ABCA13: variants seen among roughly 807,000 people sequenced by gnomAD.
The protein encoded by ABCA13 is ATP binding cassette subfamily A member 13.
ABCA13 carries 476 observed loss-of-function variants against 478.7 expected under a neutral mutation model. The observed-to-expected ratio is 0.99, with a 90% CI of 0.92 to 1.07. ABCA13 has a LOEUF of 1.07. Ranked by LOEUF, ABCA13 falls within the 50% of genes least tolerant of loss-of-function variation. The pLI is 0.00. For missense variants in ABCA13, 6,060 were observed against 5,910.6 expected, an observed-to-expected ratio of 1.03 and a Z score of -0.83; for synonymous variants, 2,252 against 2,158.9, an observed-to-expected ratio of 1.04 and a Z score of -1.20.
intron 19 of ABCA13, among the ~76,000 whole-genome samples, chr7:48,281,815 T>C (rs995257682): frequency 3.3e-5 from 5 of 152,210 alleles, no homozygotes; most frequent in African/African-American, 1.2e-4. Flanking sequence ...GCAAAGACCT[T>C]GAGGAGACTT....
rs534088103 is a variant in ABCA13 at position 48,516,622 on chromosome 7, A to AT, written c.13641-99dup. The AT allele has an allele frequency of 2.3e-3, 2,682 of 1,162,404 alleles. 6 individuals are homozygous for AT. The highest frequency in any genetic ancestry group is 3.0e-3 in the Non-Finnish European group (2,434 of 803,556). 72.0% of individuals were successfully genotyped at this position (1,162,404 alleles called of 1,614,324 possible). A position where few individuals can be genotyped will look rare whatever the true frequency, so the allele number is the denominator to read the frequency against. On this transcript the variant is annotated intron_variant, in intron 51 of 61. Transcript: ENST00000435803. Reference sequence around the variant, plus strand: ...ATATGTAGGATTCAGTAATATCTGCATTTTCAGGGATTCACCCCAAGGTCT... The same window carrying AT: ...ATATGTAGGATTCAGTAATATCTGCATTTTTCAGGGATTCACCCCAAGGTCT...
intron 15 of ABCA13, among the ~76,000 whole-genome samples, chr7:48,255,778 C>T (rs1793293803): frequency 6.6e-6 from 1 of 152,092 alleles, no homozygotes; most frequent in Non-Finnish European, 1.5e-5. Context: ...CATATGTGTG[C>T]ATGTGTCTTT....
intron 57 of ABCA13, among the ~76,000 whole-genome samples, chr7:48,592,336 C>T (rs1447883209): frequency 6.6e-6 from 1 of 151,614 alleles, no homozygotes; most frequent in Non-Finnish European, 1.5e-5. Flanking sequence ...ATTTTTGACC[C>T]ATTGGTTGTT....
intron 58 of ABCA13, among the ~76,000 whole-genome samples, chr7:48,602,020 T>C (rs1312671315): frequency 6.6e-6 from 1 of 152,274 alleles, no homozygotes; most frequent in East Asian, 1.9e-4. Flanking sequence ...ATAAATGTTT[T>C]CTTTTGAGAA....
chr7:48,563,304 T>C (rs1786661217), intron 55 of ABCA13, among the ~76,000 whole-genome samples: 1 of 152,146 alleles, frequency 6.6e-6, no homozygotes, highest in Non-Finnish European at 1.5e-5. Context: ...AATTGGTCAT[T>C]GTTTGCTCAT....
chr7:48,337,602 A>G (rs117374552), intron 28 of ABCA13, among the ~76,000 whole-genome samples: 5,742 of 152,310 alleles, frequency 0.038, 128 homozygotes, highest in South Asian at 0.058. Context: ...TAGTGTACAA[A>G]TATTCTCCAA....
chr7:48,254,197 T>A (rs976924707), intron 15 of ABCA13, among the ~76,000 whole-genome samples: 4 of 152,152 alleles, frequency 2.6e-5, no homozygotes, highest in Non-Finnish European at 4.4e-5. Context: ...TAATTTTATT[T>A]TCTGGGTGTC....
chr7:48,469,489 T>C (rs889604033), intron 44 of ABCA13, among the ~76,000 whole-genome samples: 1 of 152,202 alleles, frequency 6.6e-6, no homozygotes, highest in Non-Finnish European at 1.5e-5. Flanking sequence ...CTCTCTCTGC[T>C]TTTCTTCATT....
At chr7:48,238,787 A>G (rs955628797) in intron 8 of ABCA13, among the ~76,000 whole-genome samples, 8 of 152,250 alleles carry the variant, frequency 5.3e-5, no homozygotes, top group Non-Finnish European at 1.2e-4. Flanking sequence ...AAGTTCATGT[A>G]TAAAATAAAG....
chr7:48,417,520 AT>A (rs146905650), intron 41 of ABCA13, among the ~76,000 whole-genome samples: 8 of 152,090 alleles, frequency 5.3e-5, no homozygotes, highest in East Asian at 1.9e-4. Context: ...ATTTATTTTA[AT>A]TTTAAAAACC....
intron 59 of ABCA13, among the ~76,000 whole-genome samples, chr7:48,617,810 A>G (rs934513762): frequency 1.7e-4 from 26 of 152,204 alleles, no homozygotes; most frequent in African/African-American, 6.3e-4. Context: ...ACGTCAGTTC[A>G]CTCGGACAAA....
At chr7:48,535,303 G>GCT (rs1370292749) in intron 55 of ABCA13, among the ~76,000 whole-genome samples, 2 of 152,170 alleles carry the variant, frequency 1.3e-5, no homozygotes, top group Non-Finnish European at 1.5e-5. Context: ...ACCCAGCAGA[G>GCT]CTACCAGGCT....
intron 38 of ABCA13, among the ~76,000 whole-genome samples, chr7:48,400,034 G>A (rs1312320024): frequency 6.9e-6 from 1 of 144,952 alleles, no homozygotes; most frequent in African/African-American, 2.6e-5. Flanking sequence ...GTCCTGGCAA[G>A]TGCTTTCCTC....
intron 3 of ABCA13, among the ~76,000 whole-genome samples, chr7:48,208,475 A>C (rs982513997): frequency 2.0e-5 from 3 of 151,872 alleles, no homozygotes; most frequent in Admixed American, 6.6e-5. Context: ...GTCCTCTTCA[A>C]TTTCTTTCAT....
intron 40 of ABCA13, among the ~76,000 whole-genome samples, chr7:48,411,560 G>A (rs1332120425): frequency 6.6e-6 from 1 of 151,984 alleles, no homozygotes; most frequent in African/African-American, 2.4e-5. Context: ...CACCAACCTC[G>A]GCCTCCCAAA....
At chr7:48,577,014 C>T (rs1483992430) in intron 55 of ABCA13, among the ~76,000 whole-genome samples, 1 of 152,004 alleles carries the variant, frequency 6.6e-6, no homozygotes, top group Non-Finnish European at 1.5e-5. Flanking sequence ...AAAGAAATTA[C>T]AAAAATTAAG....
intron 10 of ABCA13, among the ~76,000 whole-genome samples, chr7:48,241,281 A>G (rs940663399): frequency 2.6e-5 from 4 of 152,206 alleles, no homozygotes; most frequent in Non-Finnish European, 5.9e-5. Flanking sequence ...GCTGCAATCG[A>G]CCGAATACGG....
chr7:48,426,877 C>T lies in ABCA13; in HGVS notation c.12460-889C>T, dbSNP rs139761720. Reference sequence around the variant, plus strand: ...GAACTTTAAATACTGTGATCATCATCTCTGTTTTATTAATACAACGAGGCA... The same window carrying T: ...GAACTTTAAATACTGTGATCATCATTTCTGTTTTATTAATACAACGAGGCA... On this transcript the variant is annotated intron_variant, in intron 41 of 61. Coordinates refer to ENST00000435803, the MANE Select transcript of ABCA13 (RefSeq NM_152701.5). Among the ~76,000 whole-genome samples, 109 of 152,272 alleles carry T rather than the reference C, an allele frequency of 7.2e-4. 3 individuals are homozygous for T. The highest frequency in any genetic ancestry group is 2.5e-3 in the African/African-American group (104 of 41,560).
At chr7:48,506,256 A>G in intron 48 of ABCA13, 80 bp from the exon 49 acceptor site, 1 of 1,454,562 alleles carries the variant, frequency 6.9e-7, no homozygotes, top group Non-Finnish European at 9.6e-7. Flanking sequence ...GGCACAGGGA[A>G]TCTGCGTAGC....
Sources: gnomAD v4.1 joint callset for allele counts (sites outside exome capture counted in the v4.1 genomes callset) on GRCh38, gnomAD v4.1.1 for gene constraint, MANE v1.5 for transcripts, NCBI Gene and HGNC (gene_info 2026-07-23, HGNC 2026-07-21) for gene names.